The following MAGT1 variants were observed in gnomAD, a reference collection of about 807,000 sequenced individuals.
MAGT1 encodes dolichyl-diphosphooligosaccharide--protein glycosyltransferase subunit MAGT1.
A neutral mutation model predicts 28.4 loss-of-function variants in MAGT1; 4 were observed. The ratio of observed to expected loss-of-function variants is 0.14; its 90% confidence interval spans 0.07 to 0.32. The LOEUF (loss-of-function observed/expected upper bound fraction) is 0.32. Ranked by LOEUF, MAGT1 falls within the 10% of genes least tolerant of loss-of-function variation. MAGT1 has a pLI of 1.00. For synonymous variants in MAGT1, 89 were observed against 89.7 expected (o/e 0.99, Z 0.04); for missense variants, 193 against 264.5 (o/e 0.73, Z 1.88).
intron 8 of MAGT1, among the ~76,000 whole-genome samples, chrX:77,839,766 C>G (rs2076929745): frequency 9.1e-6 from 1 of 109,944 alleles, no homozygotes; most frequent in Non-Finnish European, 1.9e-5. Context: ...CTTGGCCTCC[C>G]AAAGTGCTGG....
At chrX:77,837,355 G>A (rs1227789384) in intron 8 of MAGT1, 1 of 111,811 alleles carries the variant, frequency 8.9e-6, no homozygotes, top group Non-Finnish European at 1.9e-5. Context: ...TGGCCCCTGT[G>A]CAAGGATGAC....
Position 77,879,894 on chromosome X carries a change from G to A in MAGT1, c.103-4297C>T, listed in dbSNP as rs782086578. ...CTCTGTCATGCCCAGGCTGAAGTGC[G>A]ATGGCATGATCTGGGCTCACTGCAA... On this transcript the variant is annotated intron_variant, in intron 1 of 9. Transcript: ENST00000618282. Among the ~76,000 whole-genome samples, 3 of 95,022 alleles carry A rather than the reference G, an allele frequency of 3.2e-5. No individual in the cohort carries two copies. In the South Asian group the frequency reaches 1.7e-3, roughly 53 times the overall value. The allele number at this position is 95,022 out of a possible 115,157, so 82.5% of individuals were successfully genotyped here.
At chrX:77,856,670 AC>A in intron 5 of MAGT1, 62 bp downstream of exon 5, 2 of 1,037,825 alleles carry the variant, frequency 1.9e-6, no homozygotes, top group Admixed American at 4.5e-5. Context: ...ATAAAAGCTT[AC>A]CTAAAAATAC....
At chrX:77,840,158 A>G (rs373806679) in intron 8 of MAGT1, among the ~76,000 whole-genome samples, 127 of 105,539 alleles carry the variant, frequency 1.2e-3, no homozygotes, top group African/African-American at 3.1e-3. Flanking sequence ...CTAGCACTTC[A>G]GGAGGCTGAG....
chrX:77,834,126 G>A (rs191387516), intron 8 of MAGT1, among the ~76,000 whole-genome samples: 1 of 104,925 alleles, frequency 9.5e-6, no homozygotes, highest in Non-Finnish European at 1.9e-5. Context: ...GGAAAATCAA[G>A]TCAAAGTGGA....
chrX:77,877,812 CAAAATAAAATAAAATAAAATAAAAT>C (rs145687006), intron 1 of MAGT1, among the ~76,000 whole-genome samples: 22 of 35,027 alleles, frequency 6.3e-4, no homozygotes, highest in African/African-American at 1.0e-3. Context: ...GACTCTGTCT[CAAAATAAAATAAAATAAAATAAAAT>C]AAAATAAAAT....
rs782335487 is a variant in MAGT1 at position 77,875,435 on chromosome X, C to T, written c.265G>A (p.Val89Ile). 29 of 1,208,103 alleles carry T rather than the reference C, an allele frequency of 2.4e-5. No individual in the cohort carries two copies. Among genetic ancestry groups the T allele is most frequent in the Non-Finnish European group, 2.9e-5 (26 of 894,013 alleles). Residue 89 changes from valine (V) to isoleucine (I), a missense_variant, in exon 2 of 10, where the codon GTT (valine) becomes ATT (isoleucine). Physicochemically the swap from Val to Ile is conservative, Grantham distance 29 (BLOSUM62 3). Transcript: ENST00000618282. ...CGTAGTTGGAGTTCATACTTGCAAA[C>T]GACACACTGTCTATGCAGTTGGAGA... Reference protein sequence around the residue: ...TALQLHRQCVVCKQADEEFQI... With the variant: ...TALQLHRQCVICKQADEEFQI...
At position 77,826,990 on chromosome X, in the gene MAGT1, T is replaced by A. The variant is rs1557212980; in HGVS notation, c.*2230A>T. On this transcript the variant is annotated 3_prime_UTR_variant, in exon 10 of 10. Coordinates refer to ENST00000618282, the MANE Select transcript of MAGT1 (RefSeq NM_001367916.1). ...AAATATTTCTTCTGAGGCTACTATA[T>A]CCATCTCTTTCTGCAAACCACATGG... 1 of 112,362 alleles carries A rather than the reference T, an allele frequency of 8.9e-6. No homozygotes were observed. Among genetic ancestry groups the A allele is most frequent in the African/African-American group, 3.2e-5 (1 of 31,035 alleles). The allele number at this position is 112,362 out of a possible 1,213,427, so 9.3% of individuals were successfully genotyped here.
At chrX:77,879,415 A>G (rs1198429717) in intron 1 of MAGT1, among the ~76,000 whole-genome samples, 8 of 112,090 alleles carry the variant, frequency 7.1e-5, no homozygotes, top group Non-Finnish European at 1.3e-4. Flanking sequence ...ATAACAAAGA[A>G]AACAAAAATC....
rs781850772 is a variant in MAGT1, at chrX:77,855,508, C to T, written c.755G>A (p.Gly252Glu). The change falls in exon 6 of 10, where the codon GGA becomes GAA. Residue 252 changes from glycine to glutamate, a missense_variant. Coordinates refer to ENST00000618282, the MANE Select transcript of MAGT1 (RefSeq NM_001367916.1). ...ATCCCAGACTTCCCTTACCACATGT[C>T]CCGTGTGGGGATTCTTATGGGCATA... ...PPYAHKNPHT[G>E]HVNYIHGSSQ... 3.3e-6 allele frequency: 4 copies of T among 1,197,319 alleles called. No homozygotes were observed. The Admixed American group carries it at 8.7e-5, about 26-fold the overall frequency.
Position 77,826,091 on chromosome X carries a change from A to G in MAGT1, c.*3129T>C, listed in dbSNP as rs1254077552. Among the ~76,000 whole-genome samples the G allele has an allele frequency of 1.8e-5, 2 of 112,289 alleles. No homozygotes were observed. The highest frequency in any genetic ancestry group is 3.6e-4 in the South Asian group (1 of 2,756). On this transcript the variant is annotated 3_prime_UTR_variant, in exon 10 of 10. Coordinates refer to ENST00000618282, the MANE Select transcript of MAGT1 (RefSeq NM_001367916.1). ...ACTGTCTGGGACGAAAGGTAGATCAATTGTTGCAAACAGTCATTTATCTAC... is the reference window on the plus strand; with the variant it reads ...ACTGTCTGGGACGAAAGGTAGATCAGTTGTTGCAAACAGTCATTTATCTAC...
chrX:77,886,143 T>G (rs1437078586), intron 1 of MAGT1, among the ~76,000 whole-genome samples: 2 of 111,674 alleles, frequency 1.8e-5, no homozygotes, highest in African/African-American at 3.3e-5. Context: ...TGTTTTGAAC[T>G]GAAAAGAATG....
At chrX:77,864,701 T>C (rs1293785943) in intron 3 of MAGT1, among the ~76,000 whole-genome samples, 1 of 80,884 alleles carries the variant, frequency 1.2e-5, no homozygotes, top group African/African-American at 3.4e-5. Flanking sequence ...TAGTAGAGAA[T>C]TAAAAAGCAA....
At chrX:77,850,567 T>C (rs1020340409) in intron 7 of MAGT1, among the ~76,000 whole-genome samples, 1 of 109,366 alleles carries the variant, frequency 9.1e-6, no homozygotes, top group East Asian at 2.9e-4. Flanking sequence ...CTATTTCTGG[T>C]ACACAGCACT....
intron 8 of MAGT1, among the ~76,000 whole-genome samples, chrX:77,834,978 C>T (rs1348402080): frequency 1.0e-4 from 10 of 99,779 alleles, no homozygotes; most frequent in Admixed American, 4.5e-4. Flanking sequence ...TTTTTTGAGA[C>T]GGAGTCTTGC....
chrX:77,880,957 CAAAAAAAAAAAAAA>C lies in MAGT1; in HGVS notation c.103-5374_103-5361del, dbSNP rs11285161. On this transcript the variant is annotated intron_variant, in intron 1 of 9. Transcript: ENST00000618282. ...TGGGCAACAAAGTGAGAATCTGTCT[CAAAAAAAAAAAAAA>C]AAAAAAAAAAGAAGGAAAGATTGGT... is the stretch of plus-strand genomic sequence containing the variant. 5.6e-5 allele frequency among the ~76,000 whole-genome samples: 2 copies of C among 35,453 alleles called. 1 individual carries two copies. Among genetic ancestry groups the C allele is most frequent in the Middle Eastern group, 0.032 (2 of 62 alleles). 30.8% of individuals were successfully genotyped at this position (35,453 alleles called of 115,157 possible).
chrX:77,876,264 C>T (rs1052265057), intron 1 of MAGT1, among the ~76,000 whole-genome samples: 5 of 100,332 alleles, frequency 5.0e-5, no homozygotes, highest in Non-Finnish European at 9.9e-5. Flanking sequence ...AACTCAGCCT[C>T]CCAAGTGTTG....
intron 1 of MAGT1, chrX:77,885,349 C>T (rs980556520): frequency 9.2e-6 from 1 of 108,390 alleles, no homozygotes; most frequent in African/African-American, 3.4e-5. Flanking sequence ...ATGGTGAAAC[C>T]CTGTCTCTAC....
intron 7 of MAGT1, among the ~76,000 whole-genome samples, chrX:77,849,208 C>T (rs1315867155): frequency 9.2e-6 from 1 of 108,825 alleles, no homozygotes; most frequent in Non-Finnish European, 1.9e-5. Context: ...TCCCAAGTAG[C>T]TGGGACCACA....
Sources: gnomAD v4.1 joint callset for allele counts (sites outside exome capture counted in the v4.1 genomes callset) on GRCh38, gnomAD v4.1.1 for gene constraint, MANE v1.5 for transcripts, NCBI Gene and HGNC (gene_info 2026-07-23, HGNC 2026-07-21) for gene names.